Variants in GAREM1 observed in about 807,000 individuals in gnomAD.
GAREM1 encodes the protein GRB2 associated regulator of MAPK1 subtype 1.
A neutral mutation model predicts 71.3 loss-of-function variants in GAREM1; 26 were observed. The ratio of observed to expected loss-of-function variants is 0.36; its 90% CI spans 0.27 to 0.51. The LOEUF is 0.51. Among genes scored for constraint, GAREM1 ranks in the 20% least tolerant of loss-of-function variants. The probability of loss-of-function intolerance (pLI) is 0.95; values close to 1 mark genes in which losing one functional copy is unlikely to be tolerated. For synonymous variants in GAREM1, 440 were observed against 433.2 expected, an observed-to-expected ratio of 1.02 and a Z score of -0.20; for missense variants, 1,026 against 1,103.1, an observed-to-expected ratio of 0.93 and a Z score of 0.99.
chr18:32,470,400 C>A lies in GAREM1; in HGVS notation c.29G>T (p.Ser10Ile), dbSNP rs761928984. The A allele has an allele frequency of 6.5e-7, 1 of 1,542,834 alleles. No individual in the cohort carries two copies. Among genetic ancestry groups the A allele is most frequent in the Non-Finnish European group, 8.7e-7 (1 of 1,144,340 alleles). The change falls in exon 1 of 6, where the codon AGC becomes ATC. Residue 10 changes from serine to isoleucine, a missense_variant. Ser to Ile is a moderately radical substitution (Grantham distance 142). Transcript: ENST00000269209. This position sits in a 1 kb window ranked among gnomAD's most constrained non-coding sequence, Gnocchi z 4.4. ...CGAGCTCCACTTCACATCCTTGAGG[C>A]TGCAGCCCAGCGAGGGCGCCGGGTC... MDPAPSLGC[S>I]LKDVKWSSVA...
intron 2 of GAREM1, among the ~76,000 whole-genome samples, chr18:32,318,577 T>C (rs996644228): frequency 6.6e-6 from 1 of 152,102 alleles, no homozygotes; most frequent in African/African-American, 2.4e-5. Flanking sequence ...TTGCTTCTGG[T>C]TGGGAAGTTA....
intron 3 of GAREM1, among the ~76,000 whole-genome samples, chr18:32,298,721 A>G (rs1185724338): frequency 1.3e-5 from 2 of 152,182 alleles, no homozygotes; most frequent in Admixed American, 6.5e-5. Context: ...AATTGTTCTA[A>G]TAACAATTGT....
intron 2 of GAREM1, among the ~76,000 whole-genome samples, chr18:32,367,791 C>CATACAAAGCAACAGGGAGAT: frequency 6.6e-6 from 1 of 152,010 alleles, no homozygotes; most frequent in Non-Finnish European, 1.5e-5. Flanking sequence ...GAGGAGAAGC[C>CATACAAAGCAACAGGGAGAT]AAGCACCTTC....
chr18:32,366,532 A>G (rs1455844822), intron 2 of GAREM1, among the ~76,000 whole-genome samples: 1 of 152,248 alleles, frequency 6.6e-6, no homozygotes, highest in Non-Finnish European at 1.5e-5. Flanking sequence ...TATATAATAG[A>G]GAAACTTTGT....
intron 1 of GAREM1, among the ~76,000 whole-genome samples, chr18:32,401,614 A>C (rs531908419): frequency 1.6e-4 from 25 of 152,180 alleles, no homozygotes; most frequent in Non-Finnish European, 3.5e-4. Context: ...TTGGATGAGA[A>C]GATGGCCAAA....
At chr18:32,372,335 A>AAAACCC (rs1184366768) in intron 2 of GAREM1, among the ~76,000 whole-genome samples, 1 of 152,236 alleles carries the variant, frequency 6.6e-6, no homozygotes, top group Non-Finnish European at 1.5e-5. Context: ...CTTCTAAATC[A>AAAACCC]AAACCCAATG....
intron 2 of GAREM1, among the ~76,000 whole-genome samples, chr18:32,318,397 G>A (rs1427567003): frequency 6.6e-6 from 1 of 152,180 alleles, no homozygotes; most frequent in Non-Finnish European, 1.5e-5. Context: ...TCGATCATCT[G>A]TATGGGGCTG....
chr18:32,454,130 A>G, intron 1 of GAREM1, among the ~76,000 whole-genome samples: 1 of 152,162 alleles, frequency 6.6e-6, no homozygotes, highest in Non-Finnish European at 1.5e-5. Context: ...TGGATGGTTC[A>G]GGGAATACTA....
intron 2 of GAREM1, among the ~76,000 whole-genome samples, chr18:32,377,359 T>C (rs2048040555): frequency 6.6e-6 from 1 of 152,170 alleles, no homozygotes; most frequent in Admixed American, 6.5e-5. Flanking sequence ...AGGTGGTTCC[T>C]ACCACCTGGA....
At chr18:32,273,387 C>G (rs536972311) in intron 4 of GAREM1, among the ~76,000 whole-genome samples, 30 of 152,230 alleles carry the variant, frequency 2.0e-4, no homozygotes, top group South Asian at 8.3e-4. Flanking sequence ...AGAAAAGAAG[C>G]CACTTGTAGT....
chr18:32,450,350 T>A (rs1390210471), intron 1 of GAREM1, among the ~76,000 whole-genome samples: 1 of 152,112 alleles, frequency 6.6e-6, no homozygotes, highest in Non-Finnish European at 1.5e-5. Context: ...AAAAGCTAAA[T>A]CCTGTTTAAG....
At chr18:32,347,054 T>A (rs1283972739) in intron 2 of GAREM1, among the ~76,000 whole-genome samples, 5 of 152,266 alleles carry the variant, frequency 3.3e-5, no homozygotes, top group Middle Eastern at 3.4e-3. Context: ...ACAGCCAGGT[T>A]TGGGGCCTTT....
chr18:32,457,219 GAGA>G (rs1568018901), intron 1 of GAREM1, among the ~76,000 whole-genome samples: 1 of 129,434 alleles, frequency 7.7e-6, no homozygotes, highest in Non-Finnish European at 1.7e-5. Flanking sequence ...GAGAGAGAGA[GAGA>G]GAGAGTGTGT....
At chr18:32,298,284 T>C (rs2047163576) in intron 3 of GAREM1, among the ~76,000 whole-genome samples, 1 of 152,222 alleles carries the variant, frequency 6.6e-6, no homozygotes, top group South Asian at 2.1e-4. Context: ...CTGACCAATT[T>C]TGTGGTCACT....
intron 1 of GAREM1, among the ~76,000 whole-genome samples, chr18:32,399,451 G>C (rs2048290081): frequency 6.6e-6 from 1 of 152,184 alleles, no homozygotes; most frequent in Non-Finnish European, 1.5e-5. Flanking sequence ...ATCTCCTTAA[G>C]CTGATAGGCA....
intron 1 of GAREM1, among the ~76,000 whole-genome samples, chr18:32,445,984 G>A (rs1374645327): frequency 1.3e-5 from 2 of 152,132 alleles, no homozygotes; most frequent in Non-Finnish European, 2.9e-5. Flanking sequence ...TGCTCGTCAA[G>A]AGAAATGCTC....
At chr18:32,364,445 G>A (rs193117474) in intron 2 of GAREM1, among the ~76,000 whole-genome samples, 4 of 151,884 alleles carry the variant, frequency 2.6e-5, no homozygotes, top group Admixed American at 6.6e-5. Context: ...GTGCAAGTGC[G>A]TGCATGCACA....
chr18:32,410,161 T>A (rs2048402820), intron 1 of GAREM1, among the ~76,000 whole-genome samples: 1 of 152,180 alleles, frequency 6.6e-6, no homozygotes, highest in Non-Finnish European at 1.5e-5. Context: ...CAAGCTCTAC[T>A]AGACATCAGA....
At chr18:32,417,034 G>T (rs2048472470) in intron 1 of GAREM1, among the ~76,000 whole-genome samples, 1 of 152,120 alleles carries the variant, frequency 6.6e-6, no homozygotes, top group South Asian at 2.1e-4. Context: ...AAAAAATCTA[G>T]TAATCCAATT....
Sources: allele counts gnomAD v4.1 joint callset (sites outside exome capture counted in the v4.1 genomes callset), GRCh38; gene constraint gnomAD v4.1.1; non-coding constraint Gnocchi (gnomAD v3.1); transcripts MANE v1.5; gene names NCBI Gene and HGNC (gene_info 2026-07-23, HGNC 2026-07-21).